The following CCDC80 variants were observed in gnomAD, a reference collection of about 807,000 sequenced individuals.
The protein encoded by CCDC80 is coiled-coil domain containing 80.
CCDC80 carries 49 observed loss-of-function variants against 78.7 expected under a neutral mutation model. That is an observed-to-expected ratio of 0.62 (90% confidence interval 0.50 to 0.79). CCDC80 has a LOEUF of 0.79. CCDC80 is among the 30% of genes least tolerant of loss of function. The pLI, the probability that CCDC80 is intolerant of heterozygous loss-of-function variation, is 0.00. For synonymous variants in CCDC80, 488 were observed against 447.0 expected (o/e 1.09, Z -1.16); for missense variants, 1,205 against 1,198.6 (o/e 1.01, Z -0.08).
chr3:112,600,459 C>A lies in CCDC80; in HGVS notation c.*4958G>T, dbSNP rs116096948. The A allele has an allele frequency of 6.6e-6, 1 of 151,808 alleles. No individual in the cohort carries two copies. The highest frequency in any genetic ancestry group is 2.4e-5 in the African/African-American group (1 of 41,276). The allele number at this position is 151,808 out of a possible 1,614,324, so 9.4% of individuals were successfully genotyped here. Reference sequence around the variant, plus strand: ...TTCTGAGAGTAAATTTTCTATTATTCCTATCTAATTCATTTTCTTGGGAGA... The same window carrying A: ...TTCTGAGAGTAAATTTTCTATTATTACTATCTAATTCATTTTCTTGGGAGA... On this transcript the variant is annotated 3_prime_UTR_variant, in exon 8 of 8. Transcript: ENST00000206423.
rs542774199 is a variant in CCDC80 at position 112,610,171 on chromosome 3, T to G, written c.2322-90A>C. 5.7e-4 allele frequency: 631 copies of G among 1,112,204 alleles called. 14 individuals are homozygous for G. In the South Asian group the frequency reaches 6.4e-3, roughly 11 times the overall value. The allele number at this position is 1,112,204 out of a possible 1,614,324, so 68.9% of individuals were successfully genotyped here. On this transcript the variant is annotated intron_variant, in intron 5 of 7. Coordinates refer to ENST00000206423, the MANE Select transcript of CCDC80 (RefSeq NM_199511.3). The stretch of plus-strand genomic sequence containing the variant: ...AACCAGAGTGACTTAGGCTAGCAAT[T>G]TTTTTCTGTGCCCAGAAAAAAAAAA...
In CCDC80 at chr3:112,602,208, T is replaced by C. The variant is rs527276217; in HGVS notation, c.*3209A>G. The C allele has an allele frequency of 1.9e-4, 29 of 152,366 alleles. No individual in the cohort carries two copies. Among genetic ancestry groups the C allele is most frequent in the African/African-American group, 6.7e-4 (28 of 41,592 alleles). The allele number at this position is 152,366 out of a possible 1,614,324, so 9.4% of individuals were successfully genotyped here. ...CTGGGGGCACCATGAACCACACTTATATAACACAGTAAACTTAATAAATGT... is the reference window on the plus strand; with the variant it reads ...CTGGGGGCACCATGAACCACACTTACATAACACAGTAAACTTAATAAATGT... On this transcript the variant is annotated 3_prime_UTR_variant, in exon 8 of 8. Transcript: ENST00000206423.
chr3:112,599,868 A>C lies in CCDC80; in HGVS notation c.*5549T>G, dbSNP rs1407490995. ...GTCTGATGAAAAGTAGTTTTTGAAG[A>C]GTCTTGTGACAACCAGCAATTTCGG... is the stretch of plus-strand genomic sequence containing the variant. On this transcript the variant is annotated 3_prime_UTR_variant, in exon 8 of 8. Transcript: ENST00000206423. 6.6e-6 allele frequency: 1 copy of C among 152,242 alleles called. No individual in the cohort carries two copies. Among genetic ancestry groups the C allele is most frequent in the Non-Finnish European group, 1.5e-5 (1 of 68,042 alleles). 9.4% of individuals were successfully genotyped at this position (152,242 alleles called of 1,614,324 possible). A position where few individuals can be genotyped will look rare whatever the true frequency, so the allele number is the denominator to read the frequency against.
At chr3:112,612,139 C>G (rs896381548) in intron 5 of CCDC80, among the ~76,000 whole-genome samples, 2 of 151,532 alleles carry the variant, frequency 1.3e-5, no homozygotes, top group African/African-American at 4.9e-5. Flanking sequence ...AAGAAAGGAG[C>G]CTCTGAGACT....
At position 112,612,126 on chromosome 3, in the gene CCDC80, G is replaced by C. The variant is rs1482826928; in HGVS notation, c.2322-2045C>G. On this transcript the variant is annotated intron_variant, in intron 5 of 7. Transcript: ENST00000206423. The stretch of plus-strand genomic sequence containing the variant: ...GGAGCTGAATGTGTCTGGCACAAAG[G>C]ACAAGAAAGGAGCCTCTGAGACTGT... Among the ~76,000 whole-genome samples the C allele has an allele frequency of 3.3e-5, 5 of 151,074 alleles. 1 individual carries two copies. Among genetic ancestry groups the C allele is most frequent in the African/African-American group, 1.2e-4 (5 of 40,966 alleles).
Position 112,639,175 on chromosome 3 carries a change from A to G in CCDC80, c.731T>C (p.Val244Ala). 1 of 1,614,050 alleles carries G rather than the reference A, an allele frequency of 6.2e-7. No homozygotes were observed. The highest frequency in any genetic ancestry group is 8.5e-7 in the Non-Finnish European group (1 of 1,180,014). ...AACGGGATATGGATAGCGCTCCTCC[A>G]CCTGCAGCGTCTTCTTCAGCAGCAC... The part of the protein sequence containing the change: ...GMVLLKKTLQ[V>A]EERYPYPVRL... Residue 244 changes from valine (V) to alanine (A), a missense_variant, in exon 2 of 8, where the codon GTG (valine) becomes GCG (alanine). Transcript: ENST00000206423.
At chr3:112,610,914 T>C (rs766412855) in intron 5 of CCDC80, among the ~76,000 whole-genome samples, 26 of 105,150 alleles carry the variant, frequency 2.5e-4, no homozygotes, top group Non-Finnish European at 4.6e-4. Context: ...TTTCTTTCTT[T>C]CTTTTTTTTT....
chr3:112,637,233 C>T (rs1294820025), intron 2 of CCDC80, among the ~76,000 whole-genome samples: 1 of 152,252 alleles, frequency 6.6e-6, no homozygotes, highest in Non-Finnish European at 1.5e-5. Context: ...TTACAGAGCC[C>T]CCGGAGAAAC....
chr3:112,622,865 G>A (rs979521353), intron 3 of CCDC80, among the ~76,000 whole-genome samples: 15 of 144,010 alleles, frequency 1.0e-4, no homozygotes, highest in African/African-American at 3.4e-4. Flanking sequence ...TAGTAGAGAC[G>A]GGGTTTCACC....
intron 3 of CCDC80, among the ~76,000 whole-genome samples, chr3:112,628,083 T>G (rs1396057368): frequency 5.3e-5 from 8 of 152,206 alleles, no homozygotes; most frequent in Admixed American, 3.9e-4. Context: ...GTAACACATT[T>G]GACACTGGGA....
rs1325611391 is a variant in CCDC80, at chr3:112,601,680, AAAAAGAAAAAAAAAAAGAG to A, written c.*3718_*3736del. 1.7e-5 allele frequency: 1 copy of A among 60,388 alleles called. No individual in the cohort carries two copies. The highest frequency in any genetic ancestry group is 6.7e-5 in the African/African-American group (1 of 15,002). The allele number at this position is 60,388 out of a possible 1,614,324, so 3.7% of individuals were successfully genotyped here. A position where few individuals can be genotyped will look rare whatever the true frequency, so the allele number is the denominator to read the frequency against. On this transcript the variant is annotated 3_prime_UTR_variant, in exon 8 of 8. Coordinates refer to ENST00000206423, the MANE Select transcript of CCDC80 (RefSeq NM_199511.3). ...GGTGACAGAGTGAGACCCTCTCCAA[AAAAAGAAAAAAAAAAAGAG>A]AAAAAAAAGAAGCAGCAGCAACGAA...
At chr3:112,606,242 T>C (rs1178367357) in intron 7 of CCDC80, among the ~76,000 whole-genome samples, 1 of 152,228 alleles carries the variant, frequency 6.6e-6, no homozygotes, top group Non-Finnish European at 1.5e-5. Flanking sequence ...CTATTGTGAA[T>C]AGTGAAAAGA....
intron 5 of CCDC80, among the ~76,000 whole-genome samples, chr3:112,615,842 A>G (rs1438452238): frequency 1.3e-5 from 2 of 152,192 alleles, no homozygotes; most frequent in African/African-American, 4.8e-5. Flanking sequence ...AAGTTACCCT[A>G]TATGGTCTAA....
At chr3:112,627,363 A>G (rs1026558020) in intron 3 of CCDC80, among the ~76,000 whole-genome samples, 3 of 152,244 alleles carry the variant, frequency 2.0e-5, no homozygotes, top group Admixed American at 2.0e-4. Context: ...GAATTTGCTC[A>G]AGCATAAATA....
At chr3:112,612,749 G>T (rs1456292524) in intron 5 of CCDC80, among the ~76,000 whole-genome samples, 5 of 152,052 alleles carry the variant, frequency 3.3e-5, no homozygotes, top group South Asian at 2.1e-4. Context: ...TGCTGTTGAA[G>T]ACTAGACTGG....
chr3:112,611,862 T>G (rs1935635605), intron 5 of CCDC80, among the ~76,000 whole-genome samples: 1 of 152,162 alleles, frequency 6.6e-6, no homozygotes, highest in Non-Finnish European at 1.5e-5. Context: ...CTGTGCCCCT[T>G]CTAGCATCAG....
At chr3:112,634,782 A>G (rs370554673) in intron 2 of CCDC80, among the ~76,000 whole-genome samples, 8 of 152,206 alleles carry the variant, frequency 5.3e-5, no homozygotes, top group African/African-American at 1.9e-4. Flanking sequence ...TCCCACAGGA[A>G]GTTCATACCC....
rs1477903813 is a variant in CCDC80 at position 112,641,095 on chromosome 3, T to A, written c.-780A>T. The A allele has an allele frequency of 6.6e-6, 1 of 152,262 alleles. No homozygotes were observed. The highest frequency in any genetic ancestry group is 1.5e-5 in the Non-Finnish European group (1 of 68,072). 9.4% of individuals were successfully genotyped at this position (152,262 alleles called of 1,614,324 possible). A position where few individuals can be genotyped will look rare whatever the true frequency, so the allele number is the denominator to read the frequency against. ...AACAGATCAGCAAAACACCGCCTCC[T>A]TCCCATTTTAGCACGTTCAGAGTGG... On this transcript the variant is annotated 5_prime_UTR_variant, in exon 1 of 8. It adds an upstream start codon to the 5' untranslated region. Coordinates refer to ENST00000206423, the MANE Select transcript of CCDC80 (RefSeq NM_199511.3).
intron 5 of CCDC80, among the ~76,000 whole-genome samples, chr3:112,613,859 T>G (rs144231868): frequency 1.3e-4 from 20 of 151,482 alleles, no homozygotes; most frequent in Non-Finnish European, 2.1e-4. Context: ...ATTATATATA[T>G]GTTTGTATAT....
Sources: gnomAD v4.1 joint callset for allele counts (sites outside exome capture counted in the v4.1 genomes callset) on GRCh38, gnomAD v4.1.1 for gene constraint, MANE v1.5 for transcripts, NCBI Gene and HGNC (gene_info 2026-07-23, HGNC 2026-07-21) for gene names.